Variants in GMDS observed in about 807,000 individuals in gnomAD.
The protein encoded by GMDS is GDP-mannose 4,6 dehydratase.
A neutral mutation model predicts 49.9 loss-of-function variants in GMDS; 20 were observed. That is an observed-to-expected ratio of 0.40 (90% CI 0.28 to 0.58). The LOEUF (loss-of-function observed/expected upper bound fraction) is 0.58, where lower values mean the gene tolerates loss of function less well. GMDS is among the 20% of genes least tolerant of loss of function. The pLI is 0.42. For missense variants in GMDS, 362 were observed against 481.4 expected (o/e 0.75, Z 2.32); for synonymous variants, 177 against 178.6 (o/e 0.99, Z 0.07).
intron 4 of GMDS, among the ~76,000 whole-genome samples, chr6:2,010,281 C>T (rs1191497011): frequency 1.0e-4 from 15 of 148,050 alleles, no homozygotes; most frequent in Middle Eastern, 3.2e-3. Context: ...GAGCCGAGAT[C>T]GTGCCATTGC....
At chr6:1,878,301 C>A (rs894134867) in intron 7 of GMDS, among the ~76,000 whole-genome samples, 1 of 110,926 alleles carries the variant, frequency 9.0e-6, no homozygotes, top group East Asian at 2.5e-4. Context: ...GGTGACAGAG[C>A]GAGAATCCAT....
intron 4 of GMDS, among the ~76,000 whole-genome samples, chr6:2,063,720 A>T (rs1439445362): frequency 6.6e-6 from 1 of 152,218 alleles, no homozygotes; most frequent in East Asian, 1.9e-4. Flanking sequence ...GGAACAAAGC[A>T]TTCGTGGAGC....
chr6:1,823,601 C>T (rs1284632477), intron 7 of GMDS, among the ~76,000 whole-genome samples: 1 of 152,066 alleles, frequency 6.6e-6, no homozygotes, highest in Non-Finnish European at 1.5e-5. Context: ...CTTTCTGGCA[C>T]CTGAAGTTTA....
chr6:1,888,385 A>T (rs182120557), intron 7 of GMDS, among the ~76,000 whole-genome samples: 4 of 152,132 alleles, frequency 2.6e-5, no homozygotes, highest in Non-Finnish European at 4.4e-5. Context: ...AGGCGGCAGG[A>T]AGGACAATGC....
At chr6:2,124,846 C>A in intron 1 of GMDS, 115 bp from the exon 2 acceptor site, 1 of 720,688 alleles carries the variant, frequency 1.4e-6, no homozygotes, top group South Asian at 1.6e-5. Context: ...AGGACAATGG[C>A]AACCTAAAAT....
intron 4 of GMDS, among the ~76,000 whole-genome samples, chr6:2,076,531 C>G (rs1204484745): frequency 2.0e-5 from 3 of 152,154 alleles, no homozygotes; most frequent in Non-Finnish European, 4.4e-5. Context: ...CTACAGTAAC[C>G]AAAACAGCAT....
At chr6:2,154,873 A>AAAAAAAAAAAAAAAAAAAC (rs1777030245) in intron 1 of GMDS, among the ~76,000 whole-genome samples, 1 of 150,162 alleles carries the variant, frequency 6.7e-6, no homozygotes, top group African/African-American at 2.4e-5. Flanking sequence ...CAAAAAAAAA[A>AAAAAAAAAAAAAAAAAAAC]AAAAAAAAAA....
intron 4 of GMDS, among the ~76,000 whole-genome samples, chr6:1,975,460 G>A (rs181502539): frequency 2.6e-4 from 40 of 152,146 alleles, no homozygotes; most frequent in Admixed American, 2.2e-3. Context: ...ACTATAATCA[G>A]GAAACTTCGG....
At chr6:1,706,096 G>T (rs1765726165) in intron 9 of GMDS, among the ~76,000 whole-genome samples, 1 of 152,202 alleles carries the variant, frequency 6.6e-6, no homozygotes, top group Middle Eastern at 3.2e-3. Flanking sequence ...TAGCGGGCAG[G>T]CCTCAAATTG....
At chr6:2,154,199 C>T (rs1776989465) in intron 1 of GMDS, among the ~76,000 whole-genome samples, 1 of 151,922 alleles carries the variant, frequency 6.6e-6, no homozygotes, top group Admixed American at 6.6e-5. Context: ...AGATTTTAGA[C>T]ACAAAAATGG....
intron 7 of GMDS, among the ~76,000 whole-genome samples, chr6:1,906,402 C>T (rs1288776702): frequency 2.6e-5 from 4 of 152,170 alleles, no homozygotes; most frequent in Non-Finnish European, 4.4e-5. Flanking sequence ...TAGCCCACAC[C>T]AAAACACTAA....
At chr6:2,222,348 A>C (rs1012252619) in intron 1 of GMDS, among the ~76,000 whole-genome samples, 1 of 152,198 alleles carries the variant, frequency 6.6e-6, no homozygotes, top group African/African-American at 2.4e-5. Context: ...GATTCCTCCA[A>C]TTCCAAATGG....
At chr6:1,810,413 G>C (rs1221650646) in intron 7 of GMDS, among the ~76,000 whole-genome samples, 1 of 152,176 alleles carries the variant, frequency 6.6e-6, no homozygotes, top group Non-Finnish European at 1.5e-5. Context: ...CTCCTGAGTA[G>C]ATGGGACTAC....
At chr6:2,240,601 CAAAAAAAAAAA>C (rs57052982) in intron 1 of GMDS, among the ~76,000 whole-genome samples, 1 of 84,070 alleles carries the variant, frequency 1.2e-5, no homozygotes, top group Non-Finnish European at 2.7e-5. Context: ...AAGACTGTCT[CAAAAAAAAAAA>C]AAAAAAAAGA....
chr6:1,917,834 G>A (rs1315683965), intron 7 of GMDS, among the ~76,000 whole-genome samples: 5 of 152,156 alleles, frequency 3.3e-5, no homozygotes, highest in African/African-American at 9.7e-5. Context: ...ACAGACTATC[G>A]CTCTGCTCTG....
intron 1 of GMDS, among the ~76,000 whole-genome samples, chr6:2,223,414 ATC>A (rs1389462230): frequency 6.6e-6 from 1 of 151,930 alleles, no homozygotes; most frequent in Non-Finnish European, 1.5e-5. Context: ...AGGAGCGACC[ATC>A]TGACATGATC....
At chr6:2,105,428 G>A (rs1441019471) in intron 4 of GMDS, among the ~76,000 whole-genome samples, 1 of 152,066 alleles carries the variant, frequency 6.6e-6, no homozygotes, top group Non-Finnish European at 1.5e-5. Flanking sequence ...CTCCCCTTTA[G>A]GACTGACCAT....
intron 9 of GMDS, among the ~76,000 whole-genome samples, chr6:1,703,818 G>C (rs1765626058): frequency 6.6e-6 from 1 of 152,234 alleles, no homozygotes; most frequent in African/African-American, 2.4e-5. Flanking sequence ...TTTTATTTTT[G>C]GCACACTGTG....
At chr6:2,055,926 C>T (rs1031269866) in intron 4 of GMDS, among the ~76,000 whole-genome samples, 20 of 152,236 alleles carry the variant, frequency 1.3e-4, no homozygotes, top group Non-Finnish European at 2.8e-4. Flanking sequence ...AATTAATACT[C>T]ATCATTGTAA....
Sources: allele counts gnomAD v4.1 joint callset (sites outside exome capture counted in the v4.1 genomes callset), GRCh38; gene constraint gnomAD v4.1.1; transcripts MANE v1.5; gene names NCBI Gene and HGNC (gene_info 2026-07-23, HGNC 2026-07-21).